The following CCDC141 variants were observed in gnomAD, a reference collection of about 807,000 sequenced individuals.
The protein encoded by CCDC141 is coiled-coil domain containing 141, also known as coiled-coil domain-containing protein 141.
A neutral mutation model predicts 181.0 loss-of-function variants in CCDC141; 168 were observed. The ratio of observed to expected loss-of-function variants is 0.93; its 90% CI spans 0.82 to 1.05. The LOEUF (loss-of-function observed/expected upper bound fraction) is 1.05, where lower values mean the gene tolerates loss of function less well. Ranked by LOEUF, CCDC141 falls within the 50% of genes least tolerant of loss-of-function variation. The pLI is 0.00. For missense variants in CCDC141, 1,902 were observed against 1,788.5 expected, an observed-to-expected ratio of 1.06 and a Z score of -1.14; for synonymous variants, 666 against 642.3, an observed-to-expected ratio of 1.04 and a Z score of -0.56.
chr2:178,892,502 T>A (rs530180387), intron 8 of CCDC141, among the ~76,000 whole-genome samples: 124 of 152,278 alleles, frequency 8.1e-4, no homozygotes, highest in African/African-American at 2.9e-3. Flanking sequence ...GTCCTAGGGC[T>A]TTTTCTATTC....
intron 5 of CCDC141, among the ~76,000 whole-genome samples, chr2:178,948,020 C>T (rs1689802749): frequency 6.6e-6 from 1 of 151,910 alleles, no homozygotes; most frequent in Admixed American, 6.6e-5. Flanking sequence ...GGCAACATGG[C>T]AAAACCATCT....
chr2:179,032,127 T>G (rs984843758), intron 2 of CCDC141, among the ~76,000 whole-genome samples: 2 of 152,078 alleles, frequency 1.3e-5, no homozygotes, highest in African/African-American at 4.8e-5. Context: ...AAACCCCCCT[T>G]ACTGGTTCTC....
chr2:178,858,151 T>C (rs1474794375), intron 17 of CCDC141, among the ~76,000 whole-genome samples: 1 of 152,198 alleles, frequency 6.6e-6, no homozygotes, highest in Non-Finnish European at 1.5e-5. Flanking sequence ...CTTTAACTGA[T>C]AAATAAATCA....
chr2:178,953,964 G>C (rs1412219193), intron 5 of CCDC141, among the ~76,000 whole-genome samples: 1 of 152,038 alleles, frequency 6.6e-6, no homozygotes, highest in Admixed American at 6.5e-5. Flanking sequence ...GGAATATACT[G>C]CATGATTATG....
At chr2:178,870,363 G>A (rs1025705770) in intron 14 of CCDC141, among the ~76,000 whole-genome samples, 2 of 151,638 alleles carry the variant, frequency 1.3e-5, no homozygotes, top group Admixed American at 6.6e-5. Flanking sequence ...ATTTTCAGAA[G>A]AGTGACCTAA....
chr2:179,015,423 CAT>C (rs1358995086), intron 2 of CCDC141, among the ~76,000 whole-genome samples: 4 of 139,802 alleles, frequency 2.9e-5, no homozygotes, highest in East Asian at 2.2e-4. Flanking sequence ...CCATATATCT[CAT>C]ATATGTACCA....
chr2:178,906,307 G>T (rs1687967198), intron 7 of CCDC141, among the ~76,000 whole-genome samples: 1 of 152,150 alleles, frequency 6.6e-6, no homozygotes, highest in African/African-American at 2.4e-5. Flanking sequence ...GGCCATTAAG[G>T]CTTAGCTGGT....
At chr2:178,937,223 G>A (rs1047550038) in intron 6 of CCDC141, among the ~76,000 whole-genome samples, 4 of 152,116 alleles carry the variant, frequency 2.6e-5, no homozygotes, top group African/African-American at 9.7e-5. Flanking sequence ...TGTTGGCTGT[G>A]GGTTTGTCAT....
intron 2 of CCDC141, among the ~76,000 whole-genome samples, chr2:179,046,606 A>G (rs1320002291): frequency 6.6e-6 from 1 of 152,226 alleles, no homozygotes; most frequent in Non-Finnish European, 1.5e-5. Flanking sequence ...GCCAGACATT[A>G]AGTAGTGAAT....
At chr2:179,044,515 C>A (rs2043421471) in intron 2 of CCDC141, among the ~76,000 whole-genome samples, 1 of 152,138 alleles carries the variant, frequency 6.6e-6, no homozygotes, top group South Asian at 2.1e-4. Context: ...GAAGGCATTT[C>A]CCTTCTGTAG....
intron 2 of CCDC141, among the ~76,000 whole-genome samples, chr2:178,993,099 C>T (rs1692134217): frequency 6.6e-6 from 1 of 152,070 alleles, no homozygotes; most frequent in Non-Finnish European, 1.5e-5. Flanking sequence ...AGCCTGGATT[C>T]TAAAATAAAG....
chr2:178,947,118 A>G (rs1288350238), intron 5 of CCDC141, among the ~76,000 whole-genome samples: 1 of 152,204 alleles, frequency 6.6e-6, no homozygotes, highest in Non-Finnish European at 1.5e-5. Context: ...ATGACAAAAT[A>G]AGACACCCTA....
chr2:178,863,557 G>A (rs1009003194), intron 17 of CCDC141, among the ~76,000 whole-genome samples: 5 of 152,158 alleles, frequency 3.3e-5, no homozygotes, highest in African/African-American at 4.8e-5. Context: ...ACTGCCATCT[G>A]TTTGGGCTCT....
At position 178,859,796 on chromosome 2, in the gene CCDC141, C is replaced by T. The variant is rs939785527; in HGVS notation, c.2725-3399G>A. ...ATCTTTGCCAAATTTTCCAGCATGCCGTAAGCCCCTTCTCAGGGTTAGGAA... is the reference window on the plus strand; with the variant it reads ...ATCTTTGCCAAATTTTCCAGCATGCTGTAAGCCCCTTCTCAGGGTTAGGAA... On this transcript the variant is annotated intron_variant, in intron 17 of 23. Coordinates refer to ENST00000443758, the MANE Select transcript of CCDC141 (RefSeq NM_173648.4). 1.1e-4 allele frequency among the ~76,000 whole-genome samples: 16 copies of T among 152,158 alleles called. No individual in the cohort carries two copies. In the South Asian group the frequency reaches 2.3e-3, roughly 22 times the overall value.
intron 2 of CCDC141, among the ~76,000 whole-genome samples, chr2:179,045,258 T>C (rs562757959): frequency 2.9e-4 from 41 of 143,290 alleles, no homozygotes; most frequent in East Asian, 4.3e-4. Context: ...TGAGAATATG[T>C]GGTGTTTGGT....
intron 2 of CCDC141, among the ~76,000 whole-genome samples, chr2:178,994,714 C>T (rs1310526625): frequency 6.6e-6 from 1 of 152,182 alleles, no homozygotes; most frequent in East Asian, 1.9e-4. Context: ...CTTTTATGCT[C>T]TGCTTCCCTT....
intron 8 of CCDC141, among the ~76,000 whole-genome samples, chr2:178,895,391 C>T (rs1687358941): frequency 1.3e-5 from 2 of 152,148 alleles, no homozygotes. Flanking sequence ...TTTAGTCAGC[C>T]TTCCTCTGGA....
intron 8 of CCDC141, among the ~76,000 whole-genome samples, chr2:178,890,259 A>T (rs1286128441): frequency 1.3e-5 from 2 of 152,156 alleles, no homozygotes. Flanking sequence ...AAGAAAAGCC[A>T]AGATAAAAGG....
intron 7 of CCDC141, among the ~76,000 whole-genome samples, chr2:178,906,251 A>T (rs1687964329): frequency 6.6e-6 from 1 of 152,210 alleles, no homozygotes; most frequent in Admixed American, 6.5e-5. Context: ...AGCATGCAGG[A>T]TTAAGCTTAT....
Sources: allele counts gnomAD v4.1 joint callset (sites outside exome capture counted in the v4.1 genomes callset), GRCh38; gene constraint gnomAD v4.1.1; transcripts MANE v1.5; gene names NCBI Gene and HGNC (gene_info 2026-07-23, HGNC 2026-07-21).